Variants in FHIT observed in about 807,000 individuals in gnomAD.
FHIT encodes the protein bis(5'-adenosyl)-triphosphatase.
In FHIT, 19 loss-of-function variants were observed where a neutral mutation model predicts 17.9. The ratio of observed to expected loss-of-function variants is 1.06; its 90% CI spans 0.74 to 1.56. The LOEUF is 1.56. Among genes scored for constraint, FHIT ranks in the 40% most tolerant of loss-of-function variants. FHIT has a pLI of 0.00. For missense variants in FHIT, 248 were observed against 189.2 expected (o/e 1.31, Z -1.82); for synonymous variants, 81 against 69.7 (o/e 1.16, Z -0.81).
At chr3:60,453,963 T>A (rs539196520) in intron 5 of FHIT, among the ~76,000 whole-genome samples, 2 of 151,792 alleles carry the variant, frequency 1.3e-5, no homozygotes, top group Non-Finnish European at 2.9e-5. Context: ...TCAATCTCTA[T>A]GAGAAAAAAA....
chr3:59,921,370 T>G (rs1473232264), intron 8 of FHIT, among the ~76,000 whole-genome samples: 1 of 152,220 alleles, frequency 6.6e-6, no homozygotes, highest in East Asian at 1.9e-4. Flanking sequence ...TGTGGTTTAT[T>G]TGATAGAGCC....
chr3:60,129,237 G>T (rs1185655029), intron 5 of FHIT, among the ~76,000 whole-genome samples: 1 of 151,822 alleles, frequency 6.6e-6, no homozygotes, highest in Non-Finnish European at 1.5e-5. Flanking sequence ...CTTTTTAGTA[G>T]AGGTGGGGTT....
At chr3:60,172,101 A>T (rs1406097567) in intron 5 of FHIT, among the ~76,000 whole-genome samples, 2 of 152,210 alleles carry the variant, frequency 1.3e-5, no homozygotes, top group African/African-American at 4.8e-5. Context: ...AAACAAGCAC[A>T]TAAGTTTCTT....
At chr3:59,987,281 G>C (rs1029856344) in intron 7 of FHIT, among the ~76,000 whole-genome samples, 1 of 151,396 alleles carries the variant, frequency 6.6e-6, no homozygotes, top group African/African-American at 2.4e-5. Flanking sequence ...TTCTTGTGAT[G>C]AGCCAGATCA....
intron 8 of FHIT, among the ~76,000 whole-genome samples, chr3:59,911,668 G>C (rs1275132048): frequency 6.6e-6 from 1 of 152,186 alleles, no homozygotes; most frequent in African/African-American, 2.4e-5. Flanking sequence ...GGCATCTCAG[G>C]AAGGACAACA....
At chr3:60,714,171 A>G (rs1192710271) in intron 4 of FHIT, among the ~76,000 whole-genome samples, 12 of 152,240 alleles carry the variant, frequency 7.9e-5, no homozygotes, top group African/African-American at 2.9e-4. Flanking sequence ...AAACAGAACC[A>G]AAGACAAAAA....
chr3:60,070,961 T>C (rs1366496753), intron 5 of FHIT, among the ~76,000 whole-genome samples: 1 of 152,214 alleles, frequency 6.6e-6, no homozygotes, highest in African/African-American at 2.4e-5. Flanking sequence ...AAGACTAGTT[T>C]ATGGTTAACA....
chr3:60,474,386 A>G (rs1245016677), intron 5 of FHIT, among the ~76,000 whole-genome samples: 1 of 152,138 alleles, frequency 6.6e-6, no homozygotes, highest in African/African-American at 2.4e-5. Context: ...TGAAGCCCCA[A>G]AGGGCTTCTG....
chr3:60,615,658 C>T (rs1197057380), intron 4 of FHIT, among the ~76,000 whole-genome samples: 1 of 152,136 alleles, frequency 6.6e-6, no homozygotes, highest in Non-Finnish European at 1.5e-5. Flanking sequence ...ACTATGTGTA[C>T]AACCCTCTGC....
intron 8 of FHIT, among the ~76,000 whole-genome samples, chr3:59,868,998 T>G (rs78783029): frequency 6.6e-6 from 1 of 152,188 alleles, no homozygotes; most frequent in Non-Finnish European, 1.5e-5. Context: ...ATTCCCATCC[T>G]GTTGGCTTGG....
intron 4 of FHIT, among the ~76,000 whole-genome samples, chr3:60,778,321 AG>A (rs1553724973): frequency 6.6e-6 from 1 of 152,110 alleles, no homozygotes; most frequent in Non-Finnish European, 1.5e-5. Context: ...ATTCTTTTTC[AG>A]AAGATGGTTT....
At chr3:60,111,636 T>C (rs1704676055) in intron 5 of FHIT, among the ~76,000 whole-genome samples, 1 of 152,254 alleles carries the variant, frequency 6.6e-6, no homozygotes, top group Admixed American at 6.5e-5. Context: ...TTTGCTACTG[T>C]AAAATTCAGT....
At position 60,040,141 on chromosome 3, in the gene FHIT, T is replaced by TTTTA. The variant is rs765060801; in HGVS notation, c.104-25993_104-25990dup. Among the ~76,000 whole-genome samples, 37 of 137,776 alleles carry TTTTA rather than the reference T, an allele frequency of 2.7e-4. 1 individual carries two copies. The highest frequency in any genetic ancestry group is 8.8e-4 in the African/African-American group (35 of 39,912). 90.4% of individuals were successfully genotyped at this position (137,776 alleles called of 152,430 possible). On this transcript the variant is annotated intron_variant, in intron 5 of 9. Transcript: ENST00000492590. ...CCTAATGAATAATTTCCTTCTTTCT[T>TTTTA]TTTATTTATTTATTTATTTTTTTGA...
chr3:60,634,433 C>T (rs1220036569), intron 4 of FHIT, among the ~76,000 whole-genome samples: 1 of 152,210 alleles, frequency 6.6e-6, no homozygotes, highest in African/African-American at 2.4e-5. Flanking sequence ...TCTTTAATAA[C>T]TTCTGTAATA....
intron 5 of FHIT, among the ~76,000 whole-genome samples, chr3:60,227,032 G>A (rs556470438): frequency 7.9e-5 from 12 of 152,028 alleles, no homozygotes; most frequent in South Asian, 6.2e-4. Flanking sequence ...AATCTACAAG[G>A]GCTCAGAGGT....
intron 4 of FHIT, among the ~76,000 whole-genome samples, chr3:60,805,698 G>C (rs952937940): frequency 2.6e-5 from 4 of 152,054 alleles, no homozygotes; most frequent in African/African-American, 4.8e-5. Context: ...TGGGACTACA[G>C]GCACCCACCA....
intron 7 of FHIT, among the ~76,000 whole-genome samples, chr3:60,002,252 G>T (rs1699757246): frequency 1.3e-5 from 2 of 152,086 alleles, no homozygotes; most frequent in Admixed American, 6.6e-5. Flanking sequence ...TCTTTATGTT[G>T]AATAAGCCTA....
intron 2 of FHIT, among the ~76,000 whole-genome samples, chr3:61,169,356 G>A (rs1367606087): frequency 6.6e-6 from 1 of 152,014 alleles, no homozygotes; most frequent in Non-Finnish European, 1.5e-5. Flanking sequence ...TTTCCTTTGA[G>A]CCAGTTATAA....
rs1297401689 is a variant in FHIT at position 60,679,650 on chromosome 3, A to G, written c.-18+142269T>C. 2.0e-5 allele frequency among the ~76,000 whole-genome samples: 3 copies of G among 152,116 alleles called. No individual in the cohort carries two copies. In the East Asian group the frequency reaches 5.8e-4, roughly 29 times the overall value. On this transcript the variant is annotated intron_variant, in intron 4 of 9. Transcript: ENST00000492590. ...AGTACTTAATTATTCTATAAATACTATAATACCAAAGTATAATAATGAATT... is the reference window on the plus strand; with the variant it reads ...AGTACTTAATTATTCTATAAATACTGTAATACCAAAGTATAATAATGAATT...
Sources: allele counts gnomAD v4.1 joint callset (sites outside exome capture counted in the v4.1 genomes callset), GRCh38; gene constraint gnomAD v4.1.1; transcripts MANE v1.5; gene names NCBI Gene and HGNC (gene_info 2026-07-23, HGNC 2026-07-21).